PMP2: variants seen among roughly 807,000 people sequenced by gnomAD.
The protein encoded by PMP2 is peripheral myelin protein 2.
A neutral mutation model predicts 15.9 loss-of-function variants in PMP2; 11 were observed. The observed-to-expected ratio is 0.69, with a 90% CI of 0.44 to 1.14. The LOEUF is 1.14. PMP2 is among the 50% of genes most tolerant of loss of function. The pLI is 0.00. For missense variants in PMP2, 151 were observed against 154.0 expected (o/e 0.98, Z 0.10); for synonymous variants, 55 against 54.1 (o/e 1.02, Z -0.07).
rs1056500429 is a variant in PMP2, at chr8:81,441,631, A to G, written c.*1767T>C. The G allele has an allele frequency of 6.6e-6, 1 of 151,656 alleles. No individual in the cohort carries two copies. The highest frequency in any genetic ancestry group is 2.4e-5 in the African/African-American group (1 of 41,272). The allele number at this position is 151,656 out of a possible 1,614,324, so 9.4% of individuals were successfully genotyped here. On this transcript the variant is annotated 3_prime_UTR_variant, in exon 4 of 4. Transcript: ENST00000256103. Reference sequence around the variant, plus strand: ...ATTATCTATCATTATATCAGTATGGATTCATGGATTTCTATTTTTTCCCAA... The same window carrying G: ...ATTATCTATCATTATATCAGTATGGGTTCATGGATTTCTATTTTTTCCCAA...
At chr8:81,444,108 G>A (rs1342839319) in intron 3 of PMP2, among the ~76,000 whole-genome samples, 2 of 152,170 alleles carry the variant, frequency 1.3e-5, no homozygotes, top group African/African-American at 4.8e-5. Flanking sequence ...ATTCAAAATT[G>A]TGGGATATCT....
Position 81,444,964 on chromosome 8 carries a change from C to G in PMP2, c.99G>C (p.Leu33=), listed in dbSNP as rs371292265. ...TCACAGTGGGTTTGGCCAAATTTCCCAGTTTTCTGGTGGCTAACCCCACAC... is the reference window on the plus strand; with the variant it reads ...TCACAGTGGGTTTGGCCAAATTTCCGAGTTTTCTGGTGGCTAACCCCACAC... ...ALGVGLATRK[L]GNLAKPTVII... The change falls in exon 2 of 4, where the codon CTG becomes CTC. Residue 33 remains leucine, a synonymous_variant. Transcript: ENST00000256103. The G allele has an allele frequency of 8.7e-6, 14 of 1,613,490 alleles. No homozygotes were observed. The highest frequency in any genetic ancestry group is 1.2e-5 in the Non-Finnish European group (14 of 1,179,880).
At chr8:81,444,699 T>A in intron 2 of PMP2, 98 bp from the exon 3 acceptor site, 1 of 1,309,656 alleles carries the variant, frequency 7.6e-7, no homozygotes, top group East Asian at 2.3e-5. Context: ...GATATAGATG[T>A]CTCAGGAGGT....
Position 81,443,190 on chromosome 8 carries a change from G to T in PMP2, c.*208C>A. 4.6e-6 allele frequency: 2 copies of T among 431,182 alleles called. No individual in the cohort carries two copies. Among genetic ancestry groups the T allele is most frequent in the African/African-American group, 2.0e-5 (1 of 49,018 alleles). The allele number at this position is 431,182 out of a possible 1,614,324, so 26.7% of individuals were successfully genotyped here. The stretch of plus-strand genomic sequence containing the variant: ...CTGTTTGTGTCTGGCCAATATATAT[G>T]CTTTGATGTAATAATGACATGCATG... On this transcript the variant is annotated 3_prime_UTR_variant, in exon 4 of 4. Coordinates refer to ENST00000256103, the MANE Select transcript of PMP2 (RefSeq NM_002677.5).
At position 81,443,402 on chromosome 8, in the gene PMP2, A is replaced by G. The variant is rs773390955; in HGVS notation, c.395T>C (p.Val132Ala). ...GVVCTRIYEK[V>A] ...CTTCAATGAAGAAATGATTTTTCAG[A>G]CCTTCTCATAGATTCTGGTGCACAC... Residue 132 changes from valine (V) to alanine (A), a missense_variant, in exon 4 of 4, where the codon GTC becomes GCC. Transcript: ENST00000256103. The G allele has an allele frequency of 5.9e-5, 94 of 1,595,884 alleles. No individual in the cohort carries two copies. The highest frequency in any genetic ancestry group is 6.9e-5 in the Non-Finnish European group (81 of 1,170,098).
At position 81,441,540 on chromosome 8, in the gene PMP2, A is replaced by ATCTG. The variant is rs1768222721; in HGVS notation, c.*1857_*1858insCAGA. ...CATTTCTCTATCTATCTATCTATCT[A>ATCTG]TCTATCTATCTATCTATCTATCTAT... On this transcript the variant is annotated 3_prime_UTR_variant, in exon 4 of 4. Transcript: ENST00000256103. 2 of 151,488 alleles carry ATCTG rather than the reference A, an allele frequency of 1.3e-5. No homozygotes were observed. The highest frequency in any genetic ancestry group is 4.2e-4 in the South Asian group (2 of 4,814). 9.4% of individuals were successfully genotyped at this position (151,488 alleles called of 1,614,324 possible).
At chr8:81,446,289 A>C (rs1432002495) in intron 1 of PMP2, among the ~76,000 whole-genome samples, 1 of 152,190 alleles carries the variant, frequency 6.6e-6, no homozygotes, top group African/African-American at 2.4e-5. Context: ...AAACTGGAAA[A>C]CAGTGGAATT....
In PMP2 at chr8:81,443,213, A is replaced by C. The variant is rs554725278; in HGVS notation, c.*185T>G. The C allele has an allele frequency of 1.0e-5, 5 of 484,110 alleles. No individual in the cohort carries two copies. The highest frequency in any genetic ancestry group is 9.9e-5 in the African/African-American group (5 of 50,264). The allele number at this position is 484,110 out of a possible 1,614,324, so 30.0% of individuals were successfully genotyped here. ...ATGCTTTGATGTAATAATGACATGCATGCACATTGAAAATGTTTAAATAAC... is the reference window on the plus strand; with the variant it reads ...ATGCTTTGATGTAATAATGACATGCCTGCACATTGAAAATGTTTAAATAAC... On this transcript the variant is annotated 3_prime_UTR_variant, in exon 4 of 4. Coordinates refer to ENST00000256103, the MANE Select transcript of PMP2 (RefSeq NM_002677.5).
At chr8:81,446,212 T>C (rs1807447672) in intron 1 of PMP2, among the ~76,000 whole-genome samples, 1 of 152,202 alleles carries the variant, frequency 6.6e-6, no homozygotes, top group African/African-American at 2.4e-5. Context: ...TCAAGTTAAA[T>C]CATAATCTCT....
Position 81,442,045 on chromosome 8 carries a change from C to T in PMP2, c.*1353G>A, listed in dbSNP as rs574744228. 6 of 152,158 alleles carry T rather than the reference C, an allele frequency of 3.9e-5. No homozygotes were observed. The highest frequency in any genetic ancestry group is 1.4e-4 in the African/African-American group (6 of 41,548). 9.4% of individuals were successfully genotyped at this position (152,158 alleles called of 1,614,324 possible). ...GTGTATACACACACGCACATAAATG[C>T]ATGTGTATTATCACACACATATATG... On this transcript the variant is annotated 3_prime_UTR_variant, in exon 4 of 4. Coordinates refer to ENST00000256103, the MANE Select transcript of PMP2 (RefSeq NM_002677.5).
At position 81,440,677 on chromosome 8, in the gene PMP2, A is replaced by T. The variant is rs1480703147; in HGVS notation, c.*2721T>A. The T allele has an allele frequency of 6.6e-6, 1 of 152,208 alleles. No homozygotes were observed. Among genetic ancestry groups the T allele is most frequent in the Non-Finnish European group, 1.5e-5 (1 of 68,036 alleles). The allele number at this position is 152,208 out of a possible 1,614,324, so 9.4% of individuals were successfully genotyped here. On this transcript the variant is annotated 3_prime_UTR_variant, in exon 4 of 4. Transcript: ENST00000256103. Reference sequence around the variant, plus strand: ...TAAATTTTACCTCATTTACTTTATCAATTGCTCTTTCTCTATTTATGTGTA... The same window carrying T: ...TAAATTTTACCTCATTTACTTTATCTATTGCTCTTTCTCTATTTATGTGTA...
rs1309344783 is a variant in PMP2, at chr8:81,444,505, C to A, written c.343G>T (p.Val115Leu). The A allele has an allele frequency of 3.1e-6, 5 of 1,600,224 alleles. No individual in the cohort carries two copies. The highest frequency in any genetic ancestry group is 1.3e-5 in the African/African-American group (1 of 74,642). The change falls in exon 3 of 4, where the codon GTA (valine) becomes TTA (leucine). Residue 115 changes from valine (V) to leucine (L), a missense_variant. Physicochemically the swap from Val to Leu is conservative, Grantham distance 32. Coordinates refer to ENST00000256103, the MANE Select transcript of PMP2 (RefSeq NM_002677.5). The stretch of plus-strand genomic sequence containing the variant: ...AGAAGTAAAGATACTCTTACCGCTA[C>A]CATTTTCCCATTCACTAGCTTTCTC... Reference protein sequence around the residue: ...IKRKLVNGKMVAECKMKGVVC... With the variant: ...IKRKLVNGKMLAECKMKGVVC...
Position 81,443,278 on chromosome 8 carries a change from A to G in PMP2, c.*120T>C. 1 of 641,150 alleles carries G rather than the reference A, an allele frequency of 1.6e-6. No homozygotes were observed. The highest frequency in any genetic ancestry group is 2.7e-6 in the Non-Finnish European group (1 of 371,026). The allele number at this position is 641,150 out of a possible 1,614,324, so 39.7% of individuals were successfully genotyped here. The stretch of plus-strand genomic sequence containing the variant: ...TAATTCTCAGTTTAGGCCTTTGCAT[A>G]TCTGATATATTAAGACAAAAGCAAA... On this transcript the variant is annotated 3_prime_UTR_variant, in exon 4 of 4. Transcript: ENST00000256103.
Position 81,441,270 on chromosome 8 carries a change from C to G in PMP2, c.*2128G>C, listed in dbSNP as rs764550101. The G allele has an allele frequency of 1.3e-5, 2 of 152,026 alleles. No homozygotes were observed. Among genetic ancestry groups the G allele is most frequent in the African/African-American group, 2.4e-5 (1 of 41,394 alleles). The allele number at this position is 152,026 out of a possible 1,614,324, so 9.4% of individuals were successfully genotyped here. ...AGAGGTTGTCCATTTTTTTCCATTG[C>G]ATGGTTACTATTCTTTCCCCAGAAA... On this transcript the variant is annotated 3_prime_UTR_variant, in exon 4 of 4. Transcript: ENST00000256103.
In PMP2 at chr8:81,441,578, C is replaced by A. The variant is rs1429859476; in HGVS notation, c.*1820G>T. 1 of 151,722 alleles carries A rather than the reference C, an allele frequency of 6.6e-6. No homozygotes were observed. Among genetic ancestry groups the A allele is most frequent in the Non-Finnish European group, 1.5e-5 (1 of 67,908 alleles). 9.4% of individuals were successfully genotyped at this position (151,722 alleles called of 1,614,324 possible). A position where few individuals can be genotyped will look rare whatever the true frequency, so the allele number is the denominator to read the frequency against. The stretch of plus-strand genomic sequence containing the variant: ...TCTATCTATCTATATATCTATCTAT[C>A]ATCTGTCAGTCATCTACCTATCTAT... On this transcript the variant is annotated 3_prime_UTR_variant, in exon 4 of 4. Coordinates refer to ENST00000256103, the MANE Select transcript of PMP2 (RefSeq NM_002677.5).
Position 81,443,087 on chromosome 8 carries a change from A to G in PMP2, c.*311T>C. On this transcript the variant is annotated 3_prime_UTR_variant, in exon 4 of 4. Transcript: ENST00000256103. The stretch of plus-strand genomic sequence containing the variant: ...TGATTTCATTTTACTAAGAAATTAT[A>G]TCCTTTTTATTATCATTTCAAGTAT... 1 of 212,208 alleles carries G rather than the reference A, an allele frequency of 4.7e-6. No individual in the cohort carries two copies. The highest frequency in any genetic ancestry group is 9.2e-6 in the Non-Finnish European group (1 of 108,296). 13.1% of individuals were successfully genotyped at this position (212,208 alleles called of 1,614,324 possible). A position where few individuals can be genotyped will look rare whatever the true frequency, so the allele number is the denominator to read the frequency against.
chr8:81,440,896 T>C lies in PMP2; in HGVS notation c.*2502A>G, dbSNP rs1362805743. ...TTCCAAGAATAGGGATTTTTTTTACTTAATCAAAGTATACTTCTTATCTGA... is the reference window on the plus strand; with the variant it reads ...TTCCAAGAATAGGGATTTTTTTTACCTAATCAAAGTATACTTCTTATCTGA... On this transcript the variant is annotated 3_prime_UTR_variant, in exon 4 of 4. Transcript: ENST00000256103. 1 of 152,220 alleles carries C rather than the reference T, an allele frequency of 6.6e-6. No homozygotes were observed. The highest frequency in any genetic ancestry group is 2.4e-5 in the African/African-American group (1 of 41,444). The allele number at this position is 152,220 out of a possible 1,614,324, so 9.4% of individuals were successfully genotyped here. A position where few individuals can be genotyped will look rare whatever the true frequency, so the allele number is the denominator to read the frequency against.
At position 81,441,256 on chromosome 8, in the gene PMP2, A is replaced by G. The variant is rs1279649934; in HGVS notation, c.*2142T>C. ...TGATAACCTAGTCAAGAGGTTGTCCATTTTTTTCCATTGCATGGTTACTAT... is the reference window on the plus strand; with the variant it reads ...TGATAACCTAGTCAAGAGGTTGTCCGTTTTTTTCCATTGCATGGTTACTAT... On this transcript the variant is annotated 3_prime_UTR_variant, in exon 4 of 4. Transcript: ENST00000256103. 6.6e-6 allele frequency: 1 copy of G among 152,004 alleles called. No homozygotes were observed. The highest frequency in any genetic ancestry group is 6.6e-5 in the Admixed American group (1 of 15,254). The allele number at this position is 152,004 out of a possible 1,614,324, so 9.4% of individuals were successfully genotyped here. A position where few individuals can be genotyped will look rare whatever the true frequency, so the allele number is the denominator to read the frequency against.
In PMP2 at chr8:81,441,096, G is replaced by T. The variant is rs531040844; in HGVS notation, c.*2302C>A. ...ACCTTTCTTTGTCTTCTATGACATT[G>T]ACATTTTTGAAGAATTCAGTCAAAA... is the stretch of plus-strand genomic sequence containing the variant. On this transcript the variant is annotated 3_prime_UTR_variant, in exon 4 of 4. Coordinates refer to ENST00000256103, the MANE Select transcript of PMP2 (RefSeq NM_002677.5). The T allele has an allele frequency of 6.6e-6, 1 of 152,060 alleles. No individual in the cohort carries two copies. The highest frequency in any genetic ancestry group is 2.4e-5 in the African/African-American group (1 of 41,478). The allele number at this position is 152,060 out of a possible 1,614,324, so 9.4% of individuals were successfully genotyped here. A position where few individuals can be genotyped will look rare whatever the true frequency, so the allele number is the denominator to read the frequency against.
Sources: gnomAD v4.1 joint callset for allele counts (sites outside exome capture counted in the v4.1 genomes callset) on GRCh38, gnomAD v4.1.1 for gene constraint, MANE v1.5 for transcripts, NCBI Gene and HGNC (gene_info 2026-07-23, HGNC 2026-07-21) for gene names.